The following NEGR1 variants were observed in gnomAD, a reference collection of about 807,000 sequenced individuals.
The protein encoded by NEGR1 is IgLON family member 4.
In NEGR1, 10 loss-of-function variants were observed where a neutral mutation model predicts 40.9. That is an observed-to-expected ratio of 0.24 (90% CI 0.15 to 0.42). The LOEUF is 0.42. Ranked by LOEUF, NEGR1 falls within the 10% of genes least tolerant of loss-of-function variation. The pLI is 1.00. For missense variants in NEGR1, 352 were observed against 438.9 expected, an observed-to-expected ratio of 0.80 and a Z score of 1.77; for synonymous variants, 185 against 166.8, an observed-to-expected ratio of 1.11 and a Z score of -0.84.
chr1:71,917,250 T>A (rs551954271), intron 2 of NEGR1, among the ~76,000 whole-genome samples: 28 of 152,332 alleles, frequency 1.8e-4, no homozygotes, highest in African/African-American at 6.3e-4. Flanking sequence ...TATTTACTTA[T>A]AATAACCCTT....
At chr1:71,546,346 C>A (rs962050096) in intron 6 of NEGR1, among the ~76,000 whole-genome samples, 5 of 151,578 alleles carry the variant, frequency 3.3e-5, no homozygotes, top group Non-Finnish European at 7.4e-5. Flanking sequence ...CCATGATGTG[C>A]CAAGTATTAT....
chr1:71,961,364 A>G lies in NEGR1; in HGVS notation c.177-26053T>C, dbSNP rs539043048. 3.9e-5 allele frequency among the ~76,000 whole-genome samples: 6 copies of G among 152,276 alleles called. No individual in the cohort carries two copies. In the East Asian group the frequency reaches 1.2e-3, roughly 29 times the overall value. On this transcript the variant is annotated intron_variant, in intron 1 of 6. Transcript: ENST00000357731. The stretch of plus-strand genomic sequence containing the variant: ...GCAGGGCTGCAAAGTAAAATTCTAC[A>G]TTTATAGATGACACTAATTTTGTTG...
At chr1:72,120,708 T>C (rs1649768719) in intron 1 of NEGR1, among the ~76,000 whole-genome samples, 1 of 151,884 alleles carries the variant, frequency 6.6e-6, no homozygotes, top group Non-Finnish European at 1.5e-5. Context: ...CCCCTTCCTG[T>C]GTCTATGTGA....
chr1:72,081,713 G>C (rs12130387), intron 1 of NEGR1, among the ~76,000 whole-genome samples: 58,201 of 151,788 alleles, frequency 0.38, 12,127 homozygotes, highest in East Asian at 0.6. Context: ...AGGCCTAGAA[G>C]TTTTTGTGCT....
chr1:71,968,799 A>AT (rs148348370), intron 1 of NEGR1, among the ~76,000 whole-genome samples: 18,767 of 152,036 alleles, frequency 0.12, 1,614 homozygotes, highest in East Asian at 0.43. Flanking sequence ...ATGGCAAGTG[A>AT]TTTTTTTAGA....
intron 6 of NEGR1, among the ~76,000 whole-genome samples, chr1:71,466,124 G>A (rs1297953107): frequency 6.6e-5 from 10 of 151,928 alleles, no homozygotes; most frequent in Non-Finnish European, 1.0e-4. Context: ...ATAATAATAC[G>A]CAAGTAACAC....
At chr1:71,560,774 T>C (rs1008489530) in intron 6 of NEGR1, among the ~76,000 whole-genome samples, 1 of 151,544 alleles carries the variant, frequency 6.6e-6, no homozygotes, top group East Asian at 2.0e-4. Context: ...CATAGTGTGA[T>C]ACTATGTAAA....
At chr1:71,600,760 C>T (rs1044753337) in intron 5 of NEGR1, among the ~76,000 whole-genome samples, 1 of 152,164 alleles carries the variant, frequency 6.6e-6, no homozygotes, top group Non-Finnish European at 1.5e-5. Context: ...GGACTTTATT[C>T]CAGGGACAGT....
At chr1:71,825,536 G>A (rs547173316) in intron 2 of NEGR1, among the ~76,000 whole-genome samples, 140 of 151,874 alleles carry the variant, frequency 9.2e-4, no homozygotes, top group African/African-American at 3.3e-3. Flanking sequence ...AGCATAAAAG[G>A]GCAATATAAA....
At chr1:71,533,914 C>A (rs1457650405) in intron 6 of NEGR1, among the ~76,000 whole-genome samples, 1 of 151,590 alleles carries the variant, frequency 6.6e-6, no homozygotes, top group Admixed American at 6.6e-5. Flanking sequence ...AGCCTGAGAT[C>A]CTTAATTCAG....
chr1:71,888,225 G>A (rs1410880054), intron 2 of NEGR1, among the ~76,000 whole-genome samples: 2 of 152,118 alleles, frequency 1.3e-5, no homozygotes, highest in Non-Finnish European at 2.9e-5. Context: ...CAAGATGGCT[G>A]AATAGGAACA....
intron 2 of NEGR1, among the ~76,000 whole-genome samples, chr1:71,825,853 C>T (rs891888444): frequency 1.3e-5 from 2 of 151,828 alleles, no homozygotes; most frequent in East Asian, 1.9e-4. Context: ...CAAGTTAGAA[C>T]GTCTAATTTT....
At position 71,490,391 on chromosome 1, in the gene NEGR1, A is replaced by G. The variant is rs1249389448; in HGVS notation, c.941-82821T>C. Among the ~76,000 whole-genome samples the G allele has an allele frequency of 5.9e-5, 9 of 152,150 alleles. 1 individual carries two copies. In the South Asian group the frequency reaches 1.9e-3, roughly 32 times the overall value. ...ATGGCCAAACACATTCTTCAAAAAA[A>G]CAACATAAAGGATATAAAGGCTGAC... On this transcript the variant is annotated intron_variant, in intron 6 of 6. Transcript: ENST00000357731.
intron 1 of NEGR1, among the ~76,000 whole-genome samples, chr1:72,060,263 G>A (rs1275176592): frequency 6.6e-6 from 1 of 151,536 alleles, no homozygotes; most frequent in Non-Finnish European, 1.5e-5. Context: ...CTGAGATCTA[G>A]ATACAGATTA....
chr1:71,418,664 A>G (rs975551448), intron 6 of NEGR1, among the ~76,000 whole-genome samples: 22 of 152,092 alleles, frequency 1.4e-4, no homozygotes, highest in Non-Finnish European at 2.8e-4. Context: ...GTAATAACTT[A>G]AGAAGAAATG....
intron 3 of NEGR1, among the ~76,000 whole-genome samples, chr1:71,766,744 G>A (rs571280803): frequency 6.6e-6 from 1 of 152,286 alleles, no homozygotes; most frequent in South Asian, 2.1e-4. Flanking sequence ...AATGTTGGAG[G>A]TGGACCTAGC....
intron 1 of NEGR1, among the ~76,000 whole-genome samples, chr1:72,136,518 CA>C (rs1331481097): frequency 2.1e-5 from 3 of 142,010 alleles, no homozygotes; most frequent in Non-Finnish European, 1.5e-5. Context: ...AGTGAGAGAA[CA>C]AAAAAAAATG....
At chr1:71,944,796 C>T (rs1646002177) in intron 1 of NEGR1, among the ~76,000 whole-genome samples, 1 of 152,046 alleles carries the variant, frequency 6.6e-6, no homozygotes, top group Non-Finnish European at 1.5e-5. Context: ...ATTCTGAACA[C>T]AAATTTTGTT....
chr1:71,422,881 T>C (rs1225332354), intron 6 of NEGR1: 1 of 151,420 alleles, frequency 6.6e-6, no homozygotes, highest in Non-Finnish European at 1.5e-5. Context: ...ATATTGAACA[T>C]TTTGAGTCTT....
Sources: gnomAD v4.1 joint callset for allele counts (sites outside exome capture counted in the v4.1 genomes callset) on GRCh38, gnomAD v4.1.1 for gene constraint, MANE v1.5 for transcripts, NCBI Gene and HGNC (gene_info 2026-07-23, HGNC 2026-07-21) for gene names.